Variants in LIPC observed in about 807,000 individuals in gnomAD.
LIPC encodes the protein hepatic triacylglycerol lipase.
A neutral mutation model predicts 50.7 loss-of-function variants in LIPC; 44 were observed. That is an observed-to-expected ratio of 0.87 (90% CI 0.68 to 1.11). LIPC has a LOEUF of 1.11. Ranked by LOEUF, LIPC falls within the 50% of genes most tolerant of loss-of-function variation. LIPC has a pLI of 0.00. For synonymous variants in LIPC, 271 were observed against 256.4 expected (o/e 1.06, Z -0.54); for missense variants, 697 against 648.2 (o/e 1.08, Z -0.82).
intron 1 of LIPC, among the ~76,000 whole-genome samples, chr15:58,519,123 C>A (rs192320167): frequency 4.6e-4 from 70 of 152,240 alleles, no homozygotes; most frequent in Non-Finnish European, 8.4e-4. Flanking sequence ...CAGAACTACA[C>A]TTCAGCCAAG....
rs35029529 is a variant in LIPC at position 58,471,329 on chromosome 15, G to GCGGC, written c.88+39209_88+39210insCGGC. Among the ~76,000 whole-genome samples, 11 of 7,366 alleles carry GCGGC rather than the reference G, an allele frequency of 1.5e-3. 1 individual carries two copies. Among genetic ancestry groups the GCGGC allele is most frequent in the African/African-American group, 2.3e-3 (9 of 3,992 alleles). 4.8% of individuals were successfully genotyped at this position (7,366 alleles called of 152,430 possible). ...TTTTTTTTGTATTTTTAGTAGAGAT[G>GCGGC]GGGGGGGGTGGTCTCACCATGTTGG... On this transcript the variant is annotated intron_variant, in intron 1 of 8. Coordinates refer to ENST00000299022, the MANE Select transcript of LIPC (RefSeq NM_000236.3).
chr15:58,487,435 T>C (rs1891417421), intron 1 of LIPC, among the ~76,000 whole-genome samples: 1 of 152,262 alleles, frequency 6.6e-6, no homozygotes. Flanking sequence ...GTAATAGCAC[T>C]GCTTTTCTTT....
At chr15:58,497,413 A>G (rs1891811991) in intron 1 of LIPC, among the ~76,000 whole-genome samples, 1 of 152,142 alleles carries the variant, frequency 6.6e-6, no homozygotes, top group African/African-American at 2.4e-5. Context: ...GAGCCCAAAG[A>G]CCTTCTTGGG....
intron 1 of LIPC, among the ~76,000 whole-genome samples, chr15:58,501,528 T>TG (rs527644163): frequency 1.6e-3 from 239 of 152,228 alleles, no homozygotes; most frequent in African/African-American, 5.5e-3. Context: ...TAGTTGATGA[T>TG]GGGGTGGGGA....
At chr15:58,548,282 C>G in intron 5 of LIPC, 48 bp from the exon 6 acceptor site, 1 of 1,613,302 alleles carries the variant, frequency 6.2e-7, no homozygotes, top group South Asian at 1.1e-5. Context: ...TGAGTTGAGG[C>G]TGCTTTGGGT....
intron 1 of LIPC, among the ~76,000 whole-genome samples, chr15:58,489,791 T>G (rs188780940): frequency 2.3e-3 from 351 of 152,272 alleles, no homozygotes; most frequent in African/African-American, 7.9e-3. Flanking sequence ...CTTTCACTGG[T>G]TTTGCAAAAG....
At chr15:58,458,285 T>C (rs143453069) in intron 1 of LIPC, among the ~76,000 whole-genome samples, 140 of 152,324 alleles carry the variant, frequency 9.2e-4, no homozygotes, top group Non-Finnish European at 1.6e-3. Context: ...AGACTGAACT[T>C]TGAAGTTTAG....
At chr15:58,470,400 T>G (rs1297319843) in intron 1 of LIPC, among the ~76,000 whole-genome samples, 15 of 151,990 alleles carry the variant, frequency 9.9e-5, no homozygotes, top group Admixed American at 9.8e-4. Flanking sequence ...TTTATGAAGT[T>G]TTTGAAGTAA....
intron 1 of LIPC, among the ~76,000 whole-genome samples, chr15:58,536,036 C>T (rs1160415568): frequency 5.3e-5 from 8 of 152,130 alleles, no homozygotes; most frequent in African/African-American, 1.7e-4. Context: ...TCCATGAGTT[C>T]GCTGACAGGT....
At chr15:58,553,028 A>T (rs1893817734) in intron 6 of LIPC, among the ~76,000 whole-genome samples, 1 of 152,170 alleles carries the variant, frequency 6.6e-6, no homozygotes, top group Admixed American at 6.5e-5. Context: ...TCGCCATCTT[A>T]TCACATTTTT....
At chr15:58,509,101 A>G (rs1892252979) in intron 1 of LIPC, among the ~76,000 whole-genome samples, 1 of 152,226 alleles carries the variant, frequency 6.6e-6, no homozygotes. Context: ...TTGTGGGAAC[A>G]TATCACCAGA....
At chr15:58,493,076 G>T (rs530209457) in intron 1 of LIPC, among the ~76,000 whole-genome samples, 61 of 152,206 alleles carry the variant, frequency 4.0e-4, no homozygotes, top group Admixed American at 3.5e-3. Context: ...GATTTAATAA[G>T]TAAACTCATA....
intron 1 of LIPC, among the ~76,000 whole-genome samples, chr15:58,468,910 C>T (rs1262383739): frequency 1.3e-5 from 2 of 152,182 alleles, no homozygotes; most frequent in Admixed American, 6.5e-5. Flanking sequence ...GCTGGTCAAG[C>T]CTCCACCTCA....
chr15:58,516,526 T>C (rs1193284338), intron 1 of LIPC, among the ~76,000 whole-genome samples: 2 of 152,148 alleles, frequency 1.3e-5, no homozygotes, highest in East Asian at 3.9e-4. Flanking sequence ...TTTTCAGCCT[T>C]TATTCTCTGT....
intron 1 of LIPC, among the ~76,000 whole-genome samples, chr15:58,466,543 C>T (rs1894571342): frequency 6.6e-6 from 1 of 152,212 alleles, no homozygotes; most frequent in Admixed American, 6.5e-5. Context: ...ATTTTAAACA[C>T]TTGGTTAGCC....
intron 1 of LIPC, chr15:58,436,175 G>A (rs1461370979): frequency 3.9e-5 from 6 of 153,330 alleles, no homozygotes; most frequent in Non-Finnish European, 5.8e-5. Context: ...GTAAGTGTGC[G>A]ATGGTTCAGA....
intron 1 of LIPC, among the ~76,000 whole-genome samples, chr15:58,487,092 A>C (rs919320122): frequency 6.6e-6 from 1 of 152,222 alleles, no homozygotes; most frequent in Non-Finnish European, 1.5e-5. Context: ...TAAACTTAAG[A>C]AAATGCCTTT....
At chr15:58,462,989 C>T (rs2140714220) in intron 1 of LIPC, among the ~76,000 whole-genome samples, 1 of 152,314 alleles carries the variant, frequency 6.6e-6, no homozygotes, top group Non-Finnish European at 1.5e-5. Flanking sequence ...CAGACTCATC[C>T]CTCCTTTTGA....
In LIPC at chr15:58,567,142, C is replaced by T. The variant is rs191389873; in HGVS notation, c.1389-1574C>T. On this transcript the variant is annotated intron_variant, in intron 8 of 8. Coordinates refer to ENST00000299022, the MANE Select transcript of LIPC (RefSeq NM_000236.3). ...GCTTGAACCCAGGAGGCAGAGGTTGCGGTGAGCTGAGATCACACCACTGCA... is the reference window on the plus strand; with the variant it reads ...GCTTGAACCCAGGAGGCAGAGGTTGTGGTGAGCTGAGATCACACCACTGCA... Among the ~76,000 whole-genome samples, 953 of 145,122 alleles carry T rather than the reference C, an allele frequency of 6.6e-3. 14 individuals are homozygous for T. Among genetic ancestry groups the T allele is most frequent in the African/African-American group, 0.023 (903 of 38,798 alleles).
Sources: gnomAD v4.1 joint callset for allele counts (sites outside exome capture counted in the v4.1 genomes callset) on GRCh38, gnomAD v4.1.1 for gene constraint, MANE v1.5 for transcripts, NCBI Gene and HGNC (gene_info 2026-07-23, HGNC 2026-07-21) for gene names.